Variants in CSMD3 observed in about 807,000 individuals in gnomAD.
CSMD3 encodes CUB and sushi domain-containing protein 3.
In CSMD3, 177 loss-of-function variants were observed where a neutral mutation model predicts 435.2. The ratio of observed to expected loss-of-function variants is 0.41; its 90% CI spans 0.36 to 0.46. The LOEUF is 0.46. CSMD3 is among the 20% of genes least tolerant of loss of function. The pLI is 0.34. For missense variants in CSMD3, 4,265 were observed against 4,504.6 expected, an observed-to-expected ratio of 0.95 and a Z score of 1.52; for synonymous variants, 1,656 against 1,520.5, an observed-to-expected ratio of 1.09 and a Z score of -2.07.
chr8:112,643,970 C>A (rs1282332048), intron 20 of CSMD3, among the ~76,000 whole-genome samples: 1 of 151,800 alleles, frequency 6.6e-6, no homozygotes, highest in African/African-American at 2.4e-5. Flanking sequence ...CTTCTCATTG[C>A]TAAAAGTATT....
chr8:112,569,371 T>A (rs1218097876), intron 24 of CSMD3, among the ~76,000 whole-genome samples: 2 of 152,110 alleles, frequency 1.3e-5, no homozygotes, highest in Admixed American at 1.3e-4. Context: ...ATGAACAAAA[T>A]AAACCCTGAT....
intron 3 of CSMD3, among the ~76,000 whole-genome samples, chr8:113,206,983 A>T (rs955763809): frequency 6.6e-6 from 1 of 152,162 alleles, no homozygotes; most frequent in African/African-American, 2.4e-5. Context: ...AAATTTCGGC[A>T]TCTAGTTGGG....
At chr8:113,117,458 G>A (rs754285548) in intron 4 of CSMD3, among the ~76,000 whole-genome samples, 1 of 152,206 alleles carries the variant, frequency 6.6e-6, no homozygotes, top group African/African-American at 2.4e-5. Flanking sequence ...GAAATTTGCT[G>A]TGGAAGTGGA....
At chr8:112,315,930 T>A (rs1292030093) in intron 47 of CSMD3, among the ~76,000 whole-genome samples, 1 of 151,846 alleles carries the variant, frequency 6.6e-6, no homozygotes, top group African/African-American at 2.4e-5. Flanking sequence ...CTAATGTAGT[T>A]GCTGGAATAT....
intron 32 of CSMD3, among the ~76,000 whole-genome samples, chr8:112,468,246 T>G (rs1030339958): frequency 5.3e-5 from 8 of 151,416 alleles, no homozygotes; most frequent in Non-Finnish European, 1.2e-4. Context: ...TTTTTTTTTT[T>G]TTTTTTTTTT....
At chr8:113,154,939 G>A (rs2091902956) in intron 4 of CSMD3, among the ~76,000 whole-genome samples, 1 of 151,868 alleles carries the variant, frequency 6.6e-6, no homozygotes, top group African/African-American at 2.4e-5. Flanking sequence ...TAATGATCAG[G>A]ACATTTTCCT....
intron 5 of CSMD3, among the ~76,000 whole-genome samples, chr8:113,040,873 C>T (rs2087578071): frequency 6.6e-6 from 1 of 152,008 alleles, no homozygotes; most frequent in African/African-American, 2.4e-5. Flanking sequence ...TCTGGATTCC[C>T]CCCACACACC....
chr8:113,320,911 T>A (rs1266480929), intron 1 of CSMD3, among the ~76,000 whole-genome samples: 1 of 152,132 alleles, frequency 6.6e-6, no homozygotes, highest in Non-Finnish European at 1.5e-5. Flanking sequence ...TCCGTGTAGA[T>A]GTAGCATACC....
intron 30 of CSMD3, among the ~76,000 whole-genome samples, chr8:112,496,845 C>T (rs774396493): frequency 2.0e-5 from 3 of 150,160 alleles, no homozygotes; most frequent in Admixed American, 2.0e-4. Flanking sequence ...TTAATTGGTA[C>T]AAAAAAATAA....
intron 4 of CSMD3, among the ~76,000 whole-genome samples, chr8:113,113,166 G>T (rs1452868086): frequency 2.6e-5 from 4 of 152,178 alleles, no homozygotes; most frequent in Non-Finnish European, 5.9e-5. Flanking sequence ...TTTGAAGTCT[G>T]CAAGTTTCCT....
At chr8:113,183,613 T>C (rs1445508098) in intron 3 of CSMD3, among the ~76,000 whole-genome samples, 2 of 151,904 alleles carry the variant, frequency 1.3e-5, no homozygotes, top group African/African-American at 4.8e-5. Context: ...ACAGAAGCAG[T>C]TGGTTTCTCC....
At chr8:112,493,484 T>C (rs1286272586) in intron 30 of CSMD3, among the ~76,000 whole-genome samples, 1 of 152,224 alleles carries the variant, frequency 6.6e-6, no homozygotes, top group East Asian at 1.9e-4. Flanking sequence ...CCTGCAACCA[T>C]TTTTCTTACC....
chr8:112,430,222 C>A (rs987894746), intron 32 of CSMD3, among the ~76,000 whole-genome samples: 3 of 151,834 alleles, frequency 2.0e-5, no homozygotes, highest in Non-Finnish European at 2.9e-5. Flanking sequence ...CCAAACAAAT[C>A]CAAGAAATTA....
intron 2 of CSMD3, chr8:113,309,055 C>G (rs1166101678): frequency 6.6e-6 from 1 of 152,098 alleles, no homozygotes; most frequent in Non-Finnish European, 1.5e-5. Context: ...TTCAAGCAAT[C>G]CTCCCACCTC....
intron 12 of CSMD3, among the ~76,000 whole-genome samples, chr8:112,811,113 C>G (rs1316615510): frequency 1.3e-5 from 2 of 151,844 alleles, no homozygotes; most frequent in Admixed American, 6.6e-5. Flanking sequence ...AATTACCTTG[C>G]TTTGTATTTT....
At chr8:113,266,160 G>T in intron 3 of CSMD3, among the ~76,000 whole-genome samples, 1 of 139,980 alleles carries the variant, frequency 7.1e-6, no homozygotes, top group East Asian at 2.3e-4. Context: ...AAGCTTAGTA[G>T]TTGAAAATAA....
At chr8:113,272,200 A>G (rs1046481202) in intron 3 of CSMD3, among the ~76,000 whole-genome samples, 4 of 152,148 alleles carry the variant, frequency 2.6e-5, no homozygotes, top group Admixed American at 6.5e-5. Flanking sequence ...TAATGCTGAA[A>G]TGAGTTAAGA....
intron 35 of CSMD3, among the ~76,000 whole-genome samples, chr8:112,398,195 A>G (rs563031116): frequency 6.6e-6 from 1 of 152,336 alleles, no homozygotes; most frequent in South Asian, 2.1e-4. Context: ...CTTCAGTCCC[A>G]CTGGGCCTAT....
intron 10 of CSMD3, among the ~76,000 whole-genome samples, chr8:112,890,920 TTAC>T: frequency 6.6e-6 from 1 of 151,792 alleles, no homozygotes; most frequent in Middle Eastern, 3.4e-3. Context: ...CATTGTCTTA[TTAC>T]TTATTCATAT....
Sources: gnomAD v4.1 joint callset for allele counts (sites outside exome capture counted in the v4.1 genomes callset) on GRCh38, gnomAD v4.1.1 for gene constraint, MANE v1.5 for transcripts, NCBI Gene and HGNC (gene_info 2026-07-23, HGNC 2026-07-21) for gene names.